The following MATN2 variants were observed in gnomAD, a reference collection of about 807,000 sequenced individuals.
MATN2 encodes the protein matrilin-2.
In MATN2, 69 loss-of-function variants were observed where a neutral mutation model predicts 103.2. That is an observed-to-expected ratio of 0.67 (90% confidence interval 0.55 to 0.82). The LOEUF is 0.82. MATN2 is among the 40% of genes least tolerant of loss of function. The pLI is 0.00. For missense variants in MATN2, 1,023 were observed against 1,211.5 expected, an observed-to-expected ratio of 0.84 and a Z score of 2.31; for synonymous variants, 429 against 450.2, an observed-to-expected ratio of 0.95 and a Z score of 0.60.
At position 97,966,256 on chromosome 8, in the gene MATN2, C is replaced by T. The variant is rs558751774; in HGVS notation, c.958+4726C>T. 2.0e-4 allele frequency among the ~76,000 whole-genome samples: 30 copies of T among 151,520 alleles called. No homozygotes were observed. The South Asian group carries it at 2.3e-3, about 12-fold the overall frequency. On this transcript the variant is annotated intron_variant, in intron 5 of 18. Coordinates refer to ENST00000254898, the MANE Select transcript of MATN2 (RefSeq NM_002380.5). ...AACAGTGATGGAAGAGTGATGGAAT[C>T]GATTTTCAAAAAGATAAGGCCAAGC... is the stretch of plus-strand genomic sequence containing the variant.
At chr8:98,025,303 T>C (rs1813750341) in intron 13 of MATN2, 1 of 158,858 alleles carries the variant, frequency 6.3e-6, no homozygotes, top group South Asian at 1.8e-4. Context: ...ACACACACTA[T>C]GACGTTAAGC....
intron 13 of MATN2, among the ~76,000 whole-genome samples, chr8:98,023,058 A>T (rs1351179818): frequency 2.0e-5 from 3 of 152,224 alleles, no homozygotes. Context: ...ACTGCTCTCT[A>T]GCCTGGGCAA....
At chr8:97,987,043 G>A (rs1028244972) in intron 6 of MATN2, among the ~76,000 whole-genome samples, 10 of 150,302 alleles carry the variant, frequency 6.7e-5, no homozygotes, top group South Asian at 4.2e-4. Flanking sequence ...GGGTTTCATC[G>A]TGTTAGCCAG....
Position 97,929,709 on chromosome 8 carries a change from C to A in MATN2, c.143-1244C>A, listed in dbSNP as rs143755812. Reference sequence around the variant, plus strand: ...GTCCTTTGTTGAAATATTTCTTAGTCAGGTCCCCTTTTCTCTATTTCCACT... The same window carrying A: ...GTCCTTTGTTGAAATATTTCTTAGTAAGGTCCCCTTTTCTCTATTTCCACT... On this transcript the variant is annotated intron_variant, in intron 2 of 18. Transcript: ENST00000254898. Among the ~76,000 whole-genome samples, 371 of 152,270 alleles carry A rather than the reference C, an allele frequency of 2.4e-3. 4 individuals are homozygous for A. Among genetic ancestry groups the A allele is most frequent in the African/African-American group, 8.5e-3 (355 of 41,544 alleles).
chr8:98,035,242 A>G (rs1313251775), intron 18 of MATN2, among the ~76,000 whole-genome samples: 1 of 152,118 alleles, frequency 6.6e-6, no homozygotes, highest in Non-Finnish European at 1.5e-5. Flanking sequence ...CTGTAATCCC[A>G]GCTACTCGGG....
intron 7 of MATN2, among the ~76,000 whole-genome samples, chr8:97,998,934 A>C (rs1812692890): frequency 6.6e-6 from 1 of 152,170 alleles, no homozygotes; most frequent in Admixed American, 6.6e-5. Context: ...AACCATCACC[A>C]CCTTCAATCT....
chr8:97,871,696 C>A lies in MATN2; in HGVS notation c.-27+2409C>A, dbSNP rs540226299. On this transcript the variant is annotated intron_variant, in intron 1 of 18. Coordinates refer to ENST00000254898, the MANE Select transcript of MATN2 (RefSeq NM_002380.5). ...AGTGAATGGTGCCAGGGAGGTCCTT[C>A]CAAGGGGCCACTTGCCACTTGGAGC... 4.6e-5 allele frequency among the ~76,000 whole-genome samples: 7 copies of A among 152,324 alleles called. 1 individual carries two copies. Among genetic ancestry groups the A allele is most frequent in the Admixed American group, 3.9e-4 (6 of 15,300 alleles).
chr8:98,017,796 A>G (rs916964810), intron 11 of MATN2, among the ~76,000 whole-genome samples, 198 bp from the exon 12 acceptor site: 1 of 152,268 alleles, frequency 6.6e-6, no homozygotes, highest in Non-Finnish European at 1.5e-5. Flanking sequence ...TGGTGAAGAC[A>G]GTGAAACAGT....
At chr8:97,890,060 G>A (rs1047959958) in intron 2 of MATN2, among the ~76,000 whole-genome samples, 15 of 152,142 alleles carry the variant, frequency 9.9e-5, no homozygotes, top group African/African-American at 3.6e-4. Flanking sequence ...AGGAGGATGG[G>A]GCACAACCTA....
intron 1 of MATN2, among the ~76,000 whole-genome samples, chr8:97,882,177 G>A (rs1000794542): frequency 1.3e-5 from 2 of 151,362 alleles, no homozygotes; most frequent in African/African-American, 4.9e-5. Flanking sequence ...GCCCGCCTCA[G>A]CTTCCCAAAG....
rs1418834284 is a variant in MATN2, at chr8:98,007,488, A to G, written c.1460A>G (p.Tyr487Cys). Residue 487 changes from tyrosine (Y) to cysteine (C), a missense_variant, in exon 10 of 19, where the codon TAC (tyrosine) becomes TGC (cysteine). Coordinates refer to ENST00000254898, the MANE Select transcript of MATN2 (RefSeq NM_002380.5). This position sits in a 1 kb window ranked among gnomAD's most constrained non-coding sequence, Gnocchi z 4.2. ...GCTTTTGGTTTTGCAGGGGTGGATT[A>G]CTGCCTGCTGAGTGACCATGGTTGT... Reference protein sequence around the residue: ...EDLKTCSRVDYCLLSDHGCEY... With the variant: ...EDLKTCSRVDCCLLSDHGCEY... 7 of 1,611,788 alleles carry G rather than the reference A, an allele frequency of 4.3e-6. No homozygotes were observed. Among genetic ancestry groups the G allele is most frequent in the Non-Finnish European group, 5.9e-6 (7 of 1,178,144 alleles).
chr8:97,939,586 G>C (rs989693108), intron 3 of MATN2, among the ~76,000 whole-genome samples: 2 of 152,154 alleles, frequency 1.3e-5, no homozygotes, highest in African/African-American at 4.8e-5. Context: ...GGAGATTGAG[G>C]CTGCAGCAAG....
chr8:97,951,472 C>T (rs901469404), intron 4 of MATN2, among the ~76,000 whole-genome samples: 4 of 152,088 alleles, frequency 2.6e-5, no homozygotes, highest in South Asian at 2.1e-4. Flanking sequence ...CAGCTTTGCC[C>T]GGAACTTACT....
At chr8:97,929,934 GA>G (rs1810121283) in intron 2 of MATN2, among the ~76,000 whole-genome samples, 1 of 152,202 alleles carries the variant, frequency 6.6e-6, no homozygotes, top group African/African-American at 2.4e-5. Context: ...AGTCTGAAAG[GA>G]AAGGTCTTTT....
chr8:97,983,927 A>C (rs978748842), intron 6 of MATN2, among the ~76,000 whole-genome samples: 1 of 152,226 alleles, frequency 6.6e-6, no homozygotes, highest in African/African-American at 2.4e-5. Context: ...CTGAGATTAC[A>C]GGATGAGCCA....
rs184958339 is a variant in MATN2, at chr8:98,025,950, G to C, written c.1943-1466G>C. The stretch of plus-strand genomic sequence containing the variant: ...CCCAGCACTTTGGAAGGCCAAGGCA[G>C]GTGAATCGCCTGAGGTCAGGAGTTC... On this transcript the variant is annotated intron_variant, in intron 13 of 18. Coordinates refer to ENST00000254898, the MANE Select transcript of MATN2 (RefSeq NM_002380.5). Among the ~76,000 whole-genome samples, 188 of 152,040 alleles carry C rather than the reference G, an allele frequency of 1.2e-3. 1 individual carries two copies. The highest frequency in any genetic ancestry group is 4.4e-3 in the African/African-American group (181 of 41,496).
intron 2 of MATN2, among the ~76,000 whole-genome samples, chr8:97,916,454 AG>A (rs1809633440): frequency 6.6e-6 from 1 of 152,182 alleles, no homozygotes. Flanking sequence ...CAGGTGTCAC[AG>A]GGGCTGGTTG....
At chr8:98,019,733 G>C (rs77395190) in intron 12 of MATN2, among the ~76,000 whole-genome samples, 5,511 of 152,282 alleles carry the variant, frequency 0.036, 330 homozygotes, top group African/African-American at 0.12. Flanking sequence ...CCCTATTTTG[G>C]GGGGAGGGGT....
At chr8:97,993,609 G>C (rs1812469528) in intron 6 of MATN2, among the ~76,000 whole-genome samples, 1 of 152,180 alleles carries the variant, frequency 6.6e-6, no homozygotes, top group Non-Finnish European at 1.5e-5. Flanking sequence ...TATCCCTAGA[G>C]ATCACATTCT....
Sources: gnomAD v4.1 joint callset for allele counts (sites outside exome capture counted in the v4.1 genomes callset) on GRCh38, gnomAD v4.1.1 for gene constraint, Gnocchi (gnomAD v3.1) non-coding constraint, MANE v1.5 for transcripts, NCBI Gene and HGNC (gene_info 2026-07-23, HGNC 2026-07-21) for gene names.